Variants in CSMD1 observed in about 807,000 individuals in gnomAD.
CSMD1 encodes CUB and sushi domain-containing protein 1.
CSMD1 carries 213 observed loss-of-function variants against 417.5 expected under a neutral mutation model. That is an observed-to-expected ratio of 0.51 (90% CI 0.46 to 0.57). CSMD1 has a LOEUF of 0.57. CSMD1 is among the 20% of genes least tolerant of loss of function. CSMD1 has a pLI of 0.00. For synonymous variants in CSMD1, 2,862 were observed against 1,736.8 expected, an observed-to-expected ratio of 1.65 and a Z score of -16.11; for missense variants, 6,923 against 4,529.7, an observed-to-expected ratio of 1.53 and a Z score of -15.17.
chr8:3,277,407 A>C (rs13256781), intron 26 of CSMD1, among the ~76,000 whole-genome samples: 3 of 151,880 alleles, frequency 2.0e-5, no homozygotes, highest in African/African-American at 4.8e-5. Context: ...AAGGCAGGGC[A>C]GCTCAGACCC....
intron 12 of CSMD1, among the ~76,000 whole-genome samples, chr8:3,454,104 A>C (rs1372531850): frequency 6.6e-6 from 1 of 152,032 alleles, no homozygotes; most frequent in Non-Finnish European, 1.5e-5. Flanking sequence ...GTTGGTTTAA[A>C]GTCTGTTTTA....
intron 41 of CSMD1, among the ~76,000 whole-genome samples, chr8:3,125,924 C>T (rs911161805): frequency 6.6e-6 from 1 of 152,176 alleles, no homozygotes; most frequent in South Asian, 2.1e-4. Flanking sequence ...TTGCAGTGAG[C>T]TGAGATCGTG....
intron 49 of CSMD1, among the ~76,000 whole-genome samples, chr8:3,065,033 G>C (rs1007630332): frequency 1.3e-5 from 2 of 152,042 alleles, no homozygotes; most frequent in Non-Finnish European, 2.9e-5. Context: ...CAGTGGGTCA[G>C]GCTAACTTTT....
intron 18 of CSMD1, among the ~76,000 whole-genome samples, chr8:3,383,545 T>A (rs759229496): frequency 5.6e-4 from 85 of 152,010 alleles, no homozygotes; most frequent in Middle Eastern, 3.2e-3. Context: ...TAGGAAAACC[T>A]CATGCACGAA....
intron 3 of CSMD1, among the ~76,000 whole-genome samples, chr8:4,089,100 A>G (rs906423857): frequency 5.9e-5 from 9 of 152,208 alleles, no homozygotes; most frequent in Admixed American, 5.9e-4. Context: ...AGGATTCAGG[A>G]AACTTAACAC....
chr8:3,348,880 C>T (rs1171398590), intron 21 of CSMD1, among the ~76,000 whole-genome samples: 3 of 152,184 alleles, frequency 2.0e-5, no homozygotes, highest in Admixed American at 6.5e-5. Flanking sequence ...CTTAACCTTT[C>T]AGCACCTGTC....
intron 3 of CSMD1, among the ~76,000 whole-genome samples, chr8:4,290,759 T>A (rs1215793659): frequency 6.6e-6 from 1 of 152,222 alleles, no homozygotes; most frequent in East Asian, 1.9e-4. Flanking sequence ...TCATTTAGGA[T>A]TTCTATTCTG....
intron 3 of CSMD1, among the ~76,000 whole-genome samples, chr8:4,158,778 T>C (rs964889162): frequency 6.6e-6 from 1 of 152,178 alleles, no homozygotes; most frequent in African/African-American, 2.4e-5. Flanking sequence ...CACTGAAGTG[T>C]TGGGATTTTA....
rs749455200 is a variant in CSMD1, at chr8:3,162,280, A to G, written c.5726-3T>C. ...TTGGCATGCAGCAAGACCTACAGCT[A>G]GAAATGCAAAGACAAATGCTAGAAA... is the stretch of plus-strand genomic sequence containing the variant. On this transcript the variant is annotated splice_region_variant and splice_polypyrimidine_tract_variant and intron_variant, in intron 37 of 69. Transcript: ENST00000635120. 1.6e-5 allele frequency: 25 copies of G among 1,562,764 alleles called. No homozygotes were observed. The highest frequency in any genetic ancestry group is 2.1e-5 in the Non-Finnish European group (24 of 1,139,668).
chr8:3,932,149 G>A (rs1259727550), intron 5 of CSMD1, among the ~76,000 whole-genome samples: 1 of 150,294 alleles, frequency 6.7e-6, no homozygotes, highest in Non-Finnish European at 1.5e-5. Context: ...TGAGGACAGT[G>A]CTGGAATGAA....
At chr8:4,860,782 G>C (rs1219903933) in intron 1 of CSMD1, among the ~76,000 whole-genome samples, 3 of 152,060 alleles carry the variant, frequency 2.0e-5, no homozygotes, top group African/African-American at 7.3e-5. Flanking sequence ...CTACATCCCT[G>C]ATAATACCAA....
intron 3 of CSMD1, among the ~76,000 whole-genome samples, chr8:4,046,111 A>G (rs759465058): frequency 2.0e-5 from 3 of 152,122 alleles, no homozygotes; most frequent in Non-Finnish European, 4.4e-5. Context: ...AATGTATTCT[A>G]TAGCTCATAT....
chr8:4,581,397 A>G (rs1416440453), intron 2 of CSMD1, among the ~76,000 whole-genome samples: 2 of 152,208 alleles, frequency 1.3e-5, no homozygotes, highest in Non-Finnish European at 2.9e-5. Context: ...TATGTTTAAG[A>G]TATGACTCCA....
intron 23 of CSMD1, among the ~76,000 whole-genome samples, chr8:3,314,188 T>A (rs56391646): frequency 0.035 from 5,300 of 152,172 alleles, 111 homozygotes; most frequent in African/African-American, 0.056. Context: ...AGTTAATGGG[T>A]GCAGCACACC....
chr8:3,615,377 C>G (rs1360304546), intron 8 of CSMD1, among the ~76,000 whole-genome samples: 6 of 152,260 alleles, frequency 3.9e-5, no homozygotes, highest in Non-Finnish European at 7.4e-5. Flanking sequence ...ATTCCACTTC[C>G]TCTACTCCCC....
chr8:3,148,399 A>G (rs1228367317), intron 40 of CSMD1, among the ~76,000 whole-genome samples: 2 of 152,218 alleles, frequency 1.3e-5, no homozygotes, highest in East Asian at 3.9e-4. Flanking sequence ...CAGAGAAACA[A>G]AAATGAGCTG....
intron 5 of CSMD1, among the ~76,000 whole-genome samples, chr8:3,796,468 GTA>G (rs1800153240): frequency 7.4e-6 from 1 of 134,918 alleles, no homozygotes; most frequent in Non-Finnish European, 1.6e-5. Flanking sequence ...TATCTATCAT[GTA>G]TATAGATATC....
intron 2 of CSMD1, among the ~76,000 whole-genome samples, chr8:4,447,243 T>C (rs920460160): frequency 3.3e-5 from 5 of 152,228 alleles, no homozygotes; most frequent in African/African-American, 9.6e-5. Flanking sequence ...TGATGGATGC[T>C]TACGTTATAG....
intron 3 of CSMD1, among the ~76,000 whole-genome samples, chr8:4,351,844 C>G (rs1302110224): frequency 6.6e-6 from 1 of 152,076 alleles, no homozygotes; most frequent in African/African-American, 2.4e-5. Context: ...AAGGAGATGT[C>G]CAGGACCCTG....
Sources: allele counts gnomAD v4.1 joint callset (sites outside exome capture counted in the v4.1 genomes callset), GRCh38; gene constraint gnomAD v4.1.1; transcripts MANE v1.5; gene names NCBI Gene and HGNC (gene_info 2026-07-23, HGNC 2026-07-21).